Variants in EPN1 observed in about 807,000 individuals in gnomAD.
The protein encoded by EPN1 is epsin-1.
A neutral mutation model predicts 56.9 loss-of-function variants in EPN1; 25 were observed. The observed-to-expected ratio is 0.44, with a 90% confidence interval of 0.32 to 0.61. The LOEUF (loss-of-function observed/expected upper bound fraction) is 0.61. Among genes scored for constraint, EPN1 ranks in the 20% least tolerant of loss-of-function variants. EPN1 has a pLI of 0.05. For missense variants in EPN1, 785 were observed against 823.7 expected (o/e 0.95, Z 0.58); for synonymous variants, 411 against 361.8 (o/e 1.14, Z -1.54).
chr19:55,695,700 C>T lies in EPN1; in HGVS notation c.*344C>T. The T allele has an allele frequency of 3.4e-6, 1 of 295,738 alleles. No homozygotes were observed. The highest frequency in any genetic ancestry group is 6.3e-6 in the Non-Finnish European group (1 of 157,548). 18.3% of individuals were successfully genotyped at this position (295,738 alleles called of 1,614,324 possible). Reference sequence around the variant, plus strand: ...TCCCCTCACGCACCCGCTCACGCACCCTCGGTGAATCCTTGGTGATGATTT... The same window carrying T: ...TCCCCTCACGCACCCGCTCACGCACTCTCGGTGAATCCTTGGTGATGATTT... On this transcript the variant is annotated 3_prime_UTR_variant, in exon 11 of 11. Coordinates refer to ENST00000270460, the MANE Select transcript of EPN1 (RefSeq NM_001130072.2). The surrounding 1 kb of genome is among the most constrained non-coding windows in gnomAD (Gnocchi z 4.4).
rs1466709794 is a variant in EPN1 at position 55,703,117 on chromosome 19, A to T, written c.*7761A>T. Reference sequence around the variant, plus strand: ...TGGCCTCTTTCAGTTTTGATAGCAGATTATTTCCTTTGGCCCTGCGTGGTC... The same window carrying T: ...TGGCCTCTTTCAGTTTTGATAGCAGTTTATTTCCTTTGGCCCTGCGTGGTC... On this transcript the variant is annotated 3_prime_UTR_variant, in exon 11 of 11. Transcript: ENST00000270460. The T allele has an allele frequency of 6.6e-6, 1 of 151,926 alleles. No homozygotes were observed. The highest frequency in any genetic ancestry group is 1.5e-5 in the Non-Finnish European group (1 of 68,074). The allele number at this position is 151,926 out of a possible 1,614,324, so 9.4% of individuals were successfully genotyped here.
chr19:55,677,729 C>T (rs551786479), intron 1 of EPN1: 6 of 1,544,008 alleles, frequency 3.9e-6, no homozygotes, highest in African/African-American at 1.4e-5. Context: ...CTTCCTGCCG[C>T]CCTGGGTTGG....
At position 55,691,746 on chromosome 19, in the gene EPN1, C is replaced by A; in HGVS notation, c.763-8C>A. ...CTTCATGCTCCTTCTCTTCTCTCTC[C>A]CCCACAGTCGTCCCTCATGGACCTT... On this transcript the variant is annotated splice_polypyrimidine_tract_variant and splice_region_variant and intron_variant, in intron 6 of 10. Coordinates refer to ENST00000270460, the MANE Select transcript of EPN1 (RefSeq NM_001130072.2). The surrounding 1 kb of genome is among the most constrained non-coding windows in gnomAD (Gnocchi z 5.6). 1 of 1,609,336 alleles carries A rather than the reference C, an allele frequency of 6.2e-7. No individual in the cohort carries two copies. Among genetic ancestry groups the A allele is most frequent in the South Asian group, 1.1e-5 (1 of 90,756 alleles).
In EPN1 at chr19:55,705,194, C is replaced by CT. The variant is rs1315877463; in HGVS notation, c.*9841dup. ...AGGTCCATGGAGACCTCTTAGGAGT[C>CT]TTTGAAGGAACTTAGCATAGATACC... On this transcript the variant is annotated 3_prime_UTR_variant, in exon 11 of 11. Transcript: ENST00000270460. 6.6e-6 allele frequency: 1 copy of CT among 152,192 alleles called. No individual in the cohort carries two copies. The highest frequency in any genetic ancestry group is 1.5e-5 in the Non-Finnish European group (1 of 68,036). The allele number at this position is 152,192 out of a possible 1,614,324, so 9.4% of individuals were successfully genotyped here.
chr19:55,694,681 C>T lies in EPN1; in HGVS notation c.1265-45C>T, dbSNP rs759271699. ...CTATACTGCTCCCGGGTTGGAGCCTCACTGCTGTCTGCCCTGTCTGAGCCC... is the reference window on the plus strand; with the variant it reads ...CTATACTGCTCCCGGGTTGGAGCCTTACTGCTGTCTGCCCTGTCTGAGCCC... On this transcript the variant is annotated intron_variant, in intron 9 of 10. Coordinates refer to ENST00000270460, the MANE Select transcript of EPN1 (RefSeq NM_001130072.2). The surrounding 1 kb of genome is among the most constrained non-coding windows in gnomAD (Gnocchi z 4.2). The T allele has an allele frequency of 5.3e-6, 8 of 1,515,822 alleles. No individual in the cohort carries two copies. In the Admixed American group the frequency reaches 1.5e-4, roughly 29 times the overall value. The allele number at this position is 1,515,822 out of a possible 1,614,324, so 93.9% of individuals were successfully genotyped here. A position where few individuals can be genotyped will look rare whatever the true frequency, so the allele number is the denominator to read the frequency against.
chr19:55,695,546 G>A lies in EPN1; in HGVS notation c.*190G>A. 1 of 583,246 alleles carries A rather than the reference G, an allele frequency of 1.7e-6. No homozygotes were observed. Among genetic ancestry groups the A allele is most frequent in the Non-Finnish European group, 3.0e-6 (1 of 328,450 alleles). 36.1% of individuals were successfully genotyped at this position (583,246 alleles called of 1,614,324 possible). ...CGGAGAGAAACTGGACATGGGGCCTGGGGAGGGGAGCTGGCCAGAGGAGGA... is the reference window on the plus strand; with the variant it reads ...CGGAGAGAAACTGGACATGGGGCCTAGGGAGGGGAGCTGGCCAGAGGAGGA... On this transcript the variant is annotated 3_prime_UTR_variant, in exon 11 of 11. Coordinates refer to ENST00000270460, the MANE Select transcript of EPN1 (RefSeq NM_001130072.2). This position sits in a 1 kb window ranked among gnomAD's most constrained non-coding sequence, Gnocchi z 4.4.
rs1447750997 is a variant in EPN1 at position 55,702,208 on chromosome 19, G to C, written c.*6852G>C. ...ACTCCTGACCTCAAGTGATCCGCCT[G>C]CCTCGGCCTCCCAAAGTAGTGGGAT... On this transcript the variant is annotated 3_prime_UTR_variant, in exon 11 of 11. Coordinates refer to ENST00000270460, the MANE Select transcript of EPN1 (RefSeq NM_001130072.2). 3 of 152,214 alleles carry C rather than the reference G, an allele frequency of 2.0e-5. No homozygotes were observed. The highest frequency in any genetic ancestry group is 7.2e-5 in the African/African-American group (3 of 41,422). The allele number at this position is 152,214 out of a possible 1,614,324, so 9.4% of individuals were successfully genotyped here. A position where few individuals can be genotyped will look rare whatever the true frequency, so the allele number is the denominator to read the frequency against.
chr19:55,709,329 T>G lies in EPN1; in HGVS notation c.*13973T>G, dbSNP rs551217198. The G allele has an allele frequency of 2.0e-5, 4 of 198,010 alleles. No individual in the cohort carries two copies. The South Asian group carries it at 5.3e-4, about 26-fold the overall frequency. 12.3% of individuals were successfully genotyped at this position (198,010 alleles called of 1,614,324 possible). The stretch of plus-strand genomic sequence containing the variant: ...AAAAACACAGGATAACTTCCATTCA[T>G]CTGATGTTCATATGCCCTGGCACAT... On this transcript the variant is annotated 3_prime_UTR_variant, in exon 11 of 11. Coordinates refer to ENST00000270460, the MANE Select transcript of EPN1 (RefSeq NM_001130072.2).
At position 55,699,631 on chromosome 19, in the gene EPN1, G is replaced by A. The variant is rs1251499278; in HGVS notation, c.*4275G>A. The A allele has an allele frequency of 6.6e-6, 1 of 152,190 alleles. No individual in the cohort carries two copies. The highest frequency in any genetic ancestry group is 1.5e-5 in the Non-Finnish European group (1 of 68,036). The allele number at this position is 152,190 out of a possible 1,614,324, so 9.4% of individuals were successfully genotyped here. ...CAATGGTGACATTGAGTGTGGCAGA[G>A]ACCGAGTGTCCCTTGAGCCTAAAAT... is the stretch of plus-strand genomic sequence containing the variant. On this transcript the variant is annotated 3_prime_UTR_variant, in exon 11 of 11. Coordinates refer to ENST00000270460, the MANE Select transcript of EPN1 (RefSeq NM_001130072.2).
intron 9 of EPN1, among the ~76,000 whole-genome samples, chr19:55,693,730 G>C (rs1265798427): frequency 6.6e-6 from 1 of 152,176 alleles, no homozygotes; most frequent in Non-Finnish European, 1.5e-5. Context: ...TTGTGGTACA[G>C]AAACCTGTTT....
Position 55,707,816 on chromosome 19 carries a change from A to G in EPN1, c.*12460A>G, listed in dbSNP as rs750959491. 5.8e-5 allele frequency: 9 copies of G among 154,530 alleles called. No individual in the cohort carries two copies. Among genetic ancestry groups the G allele is most frequent in the African/African-American group, 1.4e-4 (6 of 41,654 alleles). The allele number at this position is 154,530 out of a possible 1,614,324, so 9.6% of individuals were successfully genotyped here. ...CCCACACAATGGTGTCTTTTGTCCTATGGAAACCCTTGTCCAGTCTTGAGT... is the reference window on the plus strand; with the variant it reads ...CCCACACAATGGTGTCTTTTGTCCTGTGGAAACCCTTGTCCAGTCTTGAGT... On this transcript the variant is annotated 3_prime_UTR_variant, in exon 11 of 11. Coordinates refer to ENST00000270460, the MANE Select transcript of EPN1 (RefSeq NM_001130072.2).
intron 6 of EPN1, among the ~76,000 whole-genome samples, chr19:55,690,583 C>T (rs1986477357): frequency 6.6e-6 from 1 of 152,246 alleles, no homozygotes; most frequent in African/African-American, 2.4e-5. Flanking sequence ...CTCCAGCCTC[C>T]TCCCCTGGCC....
Position 55,689,339 on chromosome 19 carries a change from G to A in EPN1, c.646G>A (p.Ala216Thr). Residue 216 changes from alanine (A) to threonine (T), a missense_variant, in exon 5 of 11, where the codon GCC becomes ACC. By Grantham distance (58) the Ala-to-Thr change is moderately conservative. This residue lies in a region of EPN1 where 650 missense variants were observed against 605.0 expected (regional missense o/e 1.07). Transcript: ENST00000270460. The surrounding 1 kb of genome is among the most constrained non-coding windows in gnomAD (Gnocchi z 5.7). Reference protein sequence around the residue: ...GPEDDAQLQLALSLSREEHDK... With the variant: ...GPEDDAQLQLTLSLSREEHDK... ...CGAGGACGACGCCCAGCTCCAGCTG[G>A]CCCTTAGTTTGAGCCGAGAAGAGCA... 6.4e-7 allele frequency: 1 copy of A among 1,551,794 alleles called. No homozygotes were observed. The highest frequency in any genetic ancestry group is 2.4e-5 in the East Asian group (1 of 40,886).
chr19:55,684,317 C>G (rs1986021991), intron 2 of EPN1, among the ~76,000 whole-genome samples: 1 of 152,048 alleles, frequency 6.6e-6, no homozygotes, highest in African/African-American at 2.4e-5. Flanking sequence ...TGTGAAGGCC[C>G]TGGAATCCCC....
Position 55,689,079 on chromosome 19 carries a change from G to C in EPN1, c.603+85G>C, listed in dbSNP as rs1157206468. 5 of 1,468,806 alleles carry C rather than the reference G, an allele frequency of 3.4e-6. No homozygotes were observed. The African/African-American group carries it at 7.0e-5, about 21-fold the overall frequency. The allele number at this position is 1,468,806 out of a possible 1,614,324, so 91.0% of individuals were successfully genotyped here. ...CTCCCTCCCAGCCAGGCGTGGGCCT[G>C]GCCCTCACTGTCGCTGCTCCACATG... On this transcript the variant is annotated intron_variant, in intron 4 of 10. Transcript: ENST00000270460. The surrounding 1 kb of genome is among the most constrained non-coding windows in gnomAD (Gnocchi z 5.7).
Position 55,694,732 on chromosome 19 carries a change from T to C in EPN1, c.1271T>C (p.Leu424Pro). ...CTCTCCCGGATCCTTCCAGGAGAGCTGGAGCTGCTGGCAGGAGAGGTGCCG... is the reference window on the plus strand; with the variant it reads ...CTCTCCCGGATCCTTCCAGGAGAGCCGGAGCTGCTGGCAGGAGAGGTGCCG... ...LPTSGSSAGELELLAGEVPAR... is the reference protein window; with the variant it reads ...LPTSGSSAGEPELLAGEVPAR... Residue 424 changes from leucine (L) to proline (P), a missense_variant, in exon 10 of 11, where the codon CTG becomes CCG. Leu to Pro is a moderately conservative substitution (Grantham distance 98, BLOSUM62 -3). This residue lies in a region of EPN1 where 650 missense variants were observed against 605.0 expected (regional missense o/e 1.07). Transcript: ENST00000270460. The surrounding 1 kb of genome is among the most constrained non-coding windows in gnomAD (Gnocchi z 4.2). The C allele has an allele frequency of 1.3e-6, 2 of 1,570,734 alleles. No individual in the cohort carries two copies. Among genetic ancestry groups the C allele is most frequent in the Non-Finnish European group, 1.7e-6 (2 of 1,157,108 alleles).
chr19:55,695,027 C>A lies in EPN1; in HGVS notation c.1522+44C>A. On this transcript the variant is annotated intron_variant, in intron 10 of 10. Transcript: ENST00000270460. This position sits in a 1 kb window ranked among gnomAD's most constrained non-coding sequence, Gnocchi z 4.4. ...CCTGCTCAAGTCCTTCCTGTGGGTT[C>A]CACCAGAGGAGGTGCCTCACGGGGC... The A allele has an allele frequency of 6.4e-7, 1 of 1,565,126 alleles. No individual in the cohort carries two copies. Among genetic ancestry groups the A allele is most frequent in the South Asian group, 1.2e-5 (1 of 85,568 alleles).
intron 3 of EPN1, among the ~76,000 whole-genome samples, 164 bp downstream of exon 3, chr19:55,685,809 C>CT (rs1220960588): frequency 1.3e-5 from 2 of 152,214 alleles, no homozygotes; most frequent in Non-Finnish European, 2.9e-5. Context: ...CACTTGGGCC[C>CT]TTTTTTTCCC....
Position 55,695,496 on chromosome 19 carries a change from C to T in EPN1, c.*140C>T. On this transcript the variant is annotated 3_prime_UTR_variant, in exon 11 of 11. Transcript: ENST00000270460. This position sits in a 1 kb window ranked among gnomAD's most constrained non-coding sequence, Gnocchi z 4.4. ...TCCTGGGGCCCACTCACACTACACC[C>T]TCTTCCTTTCCCACCCCACCTCCCC... 3.3e-6 allele frequency: 2 copies of T among 602,816 alleles called. No individual in the cohort carries two copies. The highest frequency in any genetic ancestry group is 2.0e-5 in the South Asian group (1 of 49,888). 37.3% of individuals were successfully genotyped at this position (602,816 alleles called of 1,614,324 possible).
Sources: allele counts gnomAD v4.1 joint callset (sites outside exome capture counted in the v4.1 genomes callset), GRCh38; gene constraint gnomAD v4.1.1; regional missense constraint gnomAD v4.1.1; non-coding constraint Gnocchi (gnomAD v3.1); transcripts MANE v1.5; gene names NCBI Gene and HGNC (gene_info 2026-07-23, HGNC 2026-07-21).